The following SEMA5B variants were observed in gnomAD, a reference collection of about 807,000 sequenced individuals.
SEMA5B encodes semaphorin-5B.
Under a neutral mutation model 135.0 loss-of-function variants are expected in SEMA5B, and 66 were observed. The observed-to-expected ratio is 0.49, with a 90% CI of 0.40 to 0.60. The LOEUF (loss-of-function observed/expected upper bound fraction) is 0.60. Ranked by LOEUF, SEMA5B falls within the 20% of genes least tolerant of loss-of-function variation. The pLI is 0.00. For missense variants in SEMA5B, 1,501 were observed against 1,566.3 expected, an observed-to-expected ratio of 0.96 and a Z score of 0.70; for synonymous variants, 690 against 639.5, an observed-to-expected ratio of 1.08 and a Z score of -1.19.
chr3:123,002,228 G>A (rs1942195440), intron 1 of SEMA5B, among the ~76,000 whole-genome samples: 2 of 152,198 alleles, frequency 1.3e-5, no homozygotes, highest in South Asian at 4.1e-4. Flanking sequence ...AGGTGGACAG[G>A]CATCACGGAT....
intron 3 of SEMA5B, among the ~76,000 whole-genome samples, chr3:122,944,717 G>A (rs1939708111): frequency 6.6e-6 from 1 of 152,084 alleles, no homozygotes; most frequent in South Asian, 2.1e-4. Flanking sequence ...AGTGGTCTGG[G>A]AGGGCCTGCT....
intron 4 of SEMA5B, among the ~76,000 whole-genome samples, chr3:122,940,882 G>C (rs1033033684): frequency 6.6e-6 from 1 of 152,220 alleles, no homozygotes; most frequent in Non-Finnish European, 1.5e-5. Flanking sequence ...GCTTATGGCT[G>C]TGCCCCAGCT....
chr3:123,008,637 G>A (rs1236223749), intron 1 of SEMA5B, among the ~76,000 whole-genome samples: 2 of 152,112 alleles, frequency 1.3e-5, no homozygotes, highest in Non-Finnish European at 2.9e-5. Flanking sequence ...GTCAAATTTG[G>A]GGATTACACA....
rs1937622495 is a variant in SEMA5B at position 122,910,287 on chromosome 3, A to T, written c.3312T>A (p.Asn1104Lys). 6.2e-7 allele frequency: 1 copy of T among 1,614,164 alleles called. No individual in the cohort carries two copies. Among genetic ancestry groups the T allele is most frequent in the Non-Finnish European group, 8.5e-7 (1 of 1,180,008 alleles). The change falls in exon 23 of 23, where the codon AAT becomes AAA. Residue 1104 changes from asparagine to lysine, a missense_variant. Asn to Lys is a moderately conservative substitution (Grantham distance 94, BLOSUM62 0). Coordinates refer to ENST00000357599, the MANE Select transcript of SEMA5B (RefSeq NM_001031702.4). The stretch of plus-strand genomic sequence containing the variant: ...TGGCTCTGTCATCAGGGATCAAGTT[A>T]TTCTTGTTCAGGGTCTGTGGGTGGA... ...TPMEFKTLNK[N>K]NLIPDDRANF...
intron 1 of SEMA5B, among the ~76,000 whole-genome samples, chr3:123,014,381 T>C (rs1942504631): frequency 6.6e-6 from 1 of 152,184 alleles, no homozygotes; most frequent in African/African-American, 2.4e-5. Context: ...ACAGGAGATG[T>C]TGGTAGACAA....
intron 9 of SEMA5B, among the ~76,000 whole-genome samples, chr3:122,925,194 C>T (rs1334033645): frequency 6.6e-6 from 1 of 152,004 alleles, no homozygotes; most frequent in Non-Finnish European, 1.5e-5. Context: ...GCCTTATAGG[C>T]TTCTGGTGTT....
At chr3:122,936,741 T>C (rs936125348) in intron 5 of SEMA5B, among the ~76,000 whole-genome samples, 5 of 152,228 alleles carry the variant, frequency 3.3e-5, no homozygotes, top group African/African-American at 1.2e-4. Flanking sequence ...TAAGTTACAC[T>C]GATAAATAAC....
intron 5 of SEMA5B, among the ~76,000 whole-genome samples, chr3:122,934,034 A>G (rs1351639702): frequency 6.7e-6 from 1 of 149,732 alleles, no homozygotes; most frequent in Non-Finnish European, 1.5e-5. Context: ...CGGCCTCCCG[A>G]GTAGCTGGGA....
intron 5 of SEMA5B, among the ~76,000 whole-genome samples, chr3:122,937,128 G>A (rs1490105742): frequency 1.3e-5 from 2 of 152,176 alleles, no homozygotes; most frequent in Non-Finnish European, 2.9e-5. Context: ...AGGCCACAGG[G>A]AGAGTAGAGG....
intron 14 of SEMA5B, among the ~76,000 whole-genome samples, chr3:122,914,534 A>G (rs1188426008): frequency 6.6e-6 from 1 of 152,236 alleles, no homozygotes; most frequent in Non-Finnish European, 1.5e-5. Flanking sequence ...CTGTAACTTA[A>G]CTTTAAAGTA....
At chr3:122,918,818 G>T (rs1041042695) in intron 12 of SEMA5B, among the ~76,000 whole-genome samples, 1 of 152,128 alleles carries the variant, frequency 6.6e-6, no homozygotes, top group Non-Finnish European at 1.5e-5. Flanking sequence ...GTGGAACCAC[G>T]TTTGCTGCTT....
chr3:122,989,549 T>C (rs1188499734), intron 1 of SEMA5B, among the ~76,000 whole-genome samples: 2 of 152,218 alleles, frequency 1.3e-5, no homozygotes, highest in African/African-American at 4.8e-5. Context: ...GAAGGACCTC[T>C]CTGTCTCTAT....
intron 21 of SEMA5B, 81 bp downstream of exon 21, chr3:122,911,410 T>C: frequency 1.9e-6 from 3 of 1,566,134 alleles, no homozygotes. Flanking sequence ...TGGAGCAGGA[T>C]GTGGAAAGAG....
At chr3:122,991,856 T>A (rs1163126035) in intron 1 of SEMA5B, among the ~76,000 whole-genome samples, 2 of 152,090 alleles carry the variant, frequency 1.3e-5, no homozygotes, top group African/African-American at 4.8e-5. Context: ...TAGGGAGATA[T>A]AAGCAAAGAC....
At chr3:122,956,266 T>C (rs1052393009) in intron 2 of SEMA5B, among the ~76,000 whole-genome samples, 5 of 152,198 alleles carry the variant, frequency 3.3e-5, no homozygotes, top group African/African-American at 1.2e-4. Context: ...CAGTTCCCTG[T>C]GGGTTCTGGG....
intron 4 of SEMA5B, among the ~76,000 whole-genome samples, chr3:122,942,886 A>T (rs1441637670): frequency 6.6e-6 from 1 of 152,150 alleles, no homozygotes; most frequent in Non-Finnish European, 1.5e-5. Flanking sequence ...TGGTTTCATG[A>T]GGAATGAGCT....
At chr3:122,978,198 C>T (rs914315651) in intron 1 of SEMA5B, among the ~76,000 whole-genome samples, 1 of 152,242 alleles carries the variant, frequency 6.6e-6, no homozygotes, top group African/African-American at 2.4e-5. Context: ...CAGGCCTGGC[C>T]CCACCTGGGC....
intron 1 of SEMA5B, chr3:122,975,877 T>C (rs922444281): frequency 4.6e-6 from 6 of 1,317,764 alleles, no homozygotes; most frequent in Non-Finnish European, 6.2e-6. Context: ...ACACCCTGCA[T>C]AGCAAGGACT....
intron 1 of SEMA5B, among the ~76,000 whole-genome samples, chr3:122,961,751 A>T (rs1940593339): frequency 1.3e-5 from 2 of 152,056 alleles, no homozygotes; most frequent in Non-Finnish European, 1.5e-5. Context: ...CTACAAAGAG[A>T]CTACAAGCGT....
Sources: allele counts gnomAD v4.1 joint callset (sites outside exome capture counted in the v4.1 genomes callset), GRCh38; gene constraint gnomAD v4.1.1; transcripts MANE v1.5; gene names NCBI Gene and HGNC (gene_info 2026-07-23, HGNC 2026-07-21).